Variants in MACROD2 observed in about 807,000 individuals in gnomAD.
The protein encoded by MACROD2 is mono-ADP ribosylhydrolase 2.
In MACROD2, 36 loss-of-function variants were observed where a neutral mutation model predicts 70.4. The ratio of observed to expected loss-of-function variants is 0.51; its 90% CI spans 0.39 to 0.68. The LOEUF (loss-of-function observed/expected upper bound fraction) is 0.68. MACROD2 is among the 30% of genes least tolerant of loss of function. The pLI is 0.00. For synonymous variants in MACROD2, 172 were observed against 178.8 expected (o/e 0.96, Z 0.30); for missense variants, 496 against 538.4 (o/e 0.92, Z 0.78).
intron 4 of MACROD2, among the ~76,000 whole-genome samples, chr20:14,626,532 A>G (rs1419448698): frequency 6.6e-6 from 1 of 152,092 alleles, no homozygotes; most frequent in Non-Finnish European, 1.5e-5. Context: ...ACTTTTAGAT[A>G]TTTGGGCTAT....
intron 8 of MACROD2, among the ~76,000 whole-genome samples, chr20:15,813,206 C>G (rs1457963999): frequency 1.3e-5 from 2 of 152,204 alleles, no homozygotes; most frequent in East Asian, 3.9e-4. Flanking sequence ...CTCAGCAACT[C>G]AAAACCATTG....
At chr20:14,622,152 A>G (rs536002839) in intron 4 of MACROD2, among the ~76,000 whole-genome samples, 4 of 152,108 alleles carry the variant, frequency 2.6e-5, no homozygotes, top group African/African-American at 9.7e-5. Flanking sequence ...GCCTCTACAT[A>G]TATTTCCATT....
intron 6 of MACROD2, among the ~76,000 whole-genome samples, chr20:15,345,468 G>C (rs1243368339): frequency 1.3e-5 from 2 of 152,118 alleles, no homozygotes; most frequent in Non-Finnish European, 2.9e-5. Context: ...GCACACTCCT[G>C]TTAGTTTCAT....
chr20:15,745,594 A>G (rs1319707073), intron 8 of MACROD2, among the ~76,000 whole-genome samples: 1 of 152,142 alleles, frequency 6.6e-6, no homozygotes, highest in East Asian at 1.9e-4. Context: ...TTTTTGAAGA[A>G]AAGCTCTTCG....
chr20:15,501,683 A>G (rs79089845), intron 8 of MACROD2, among the ~76,000 whole-genome samples: 1,700 of 152,296 alleles, frequency 0.011, 27 homozygotes, highest in African/African-American at 0.038. Flanking sequence ...GCAACTGTAA[A>G]CATATCCTGT....
chr20:15,101,534 C>CA (rs6147300), intron 5 of MACROD2, among the ~76,000 whole-genome samples: 1 of 88,914 alleles, frequency 1.1e-5, no homozygotes, highest in Non-Finnish European at 2.1e-5. Context: ...GGTGTTGGTT[C>CA]AAAAAAAAAA....
At chr20:14,668,342 A>G (rs1407212367) in intron 4 of MACROD2, among the ~76,000 whole-genome samples, 1 of 152,134 alleles carries the variant, frequency 6.6e-6, no homozygotes, top group Non-Finnish European at 1.5e-5. Context: ...CTGGGCCTGC[A>G]TTTGGAATAA....
intron 5 of MACROD2, among the ~76,000 whole-genome samples, chr20:15,151,542 G>A (rs1347406952): frequency 6.6e-6 from 1 of 151,998 alleles, no homozygotes; most frequent in Non-Finnish European, 1.5e-5. Flanking sequence ...TTTAATGTCG[G>A]GAGCAGATTG....
intron 5 of MACROD2, among the ~76,000 whole-genome samples, chr20:15,053,805 A>G (rs1424537635): frequency 1.3e-5 from 2 of 152,206 alleles, no homozygotes; most frequent in Non-Finnish European, 1.5e-5. Flanking sequence ...ATCTGGGCAA[A>G]GAACATTGAA....
At chr20:15,584,293 T>G (rs1275415850) in intron 8 of MACROD2, among the ~76,000 whole-genome samples, 1 of 152,220 alleles carries the variant, frequency 6.6e-6, no homozygotes, top group African/African-American at 2.4e-5. Context: ...GAAGAACCTC[T>G]GGTTTATTGT....
At chr20:14,954,272 A>G (rs1479077820) in intron 5 of MACROD2, among the ~76,000 whole-genome samples, 1 of 151,742 alleles carries the variant, frequency 6.6e-6, no homozygotes, top group African/African-American at 2.4e-5. Flanking sequence ...AAATCTGGCC[A>G]TCTTTGGTTA....
intron 8 of MACROD2, among the ~76,000 whole-genome samples, chr20:15,607,300 G>A (rs1378640032): frequency 1.3e-5 from 2 of 152,158 alleles, no homozygotes; most frequent in South Asian, 2.1e-4. Context: ...GTATAATTTG[G>A]CGTATTCATG....
At chr20:16,046,675 CT>C (rs557907668) in intron 17 of MACROD2, among the ~76,000 whole-genome samples, 8,260 of 85,244 alleles carry the variant, frequency 0.097, 70 homozygotes, top group Middle Eastern at 0.17. Flanking sequence ...GGTGTCAAAA[CT>C]TTTTTTTTTT....
At chr20:14,362,319 C>A (rs1330706683) in intron 3 of MACROD2, among the ~76,000 whole-genome samples, 1 of 152,168 alleles carries the variant, frequency 6.6e-6, no homozygotes, top group Non-Finnish European at 1.5e-5. Context: ...AGTCAAGAAG[C>A]TGGTCCAAGG....
At chr20:14,719,684 C>T (rs1005314686) in intron 5 of MACROD2, among the ~76,000 whole-genome samples, 1 of 152,104 alleles carries the variant, frequency 6.6e-6, no homozygotes, top group Admixed American at 6.6e-5. Flanking sequence ...CATAATACTT[C>T]CCAAATTCCC....
At chr20:14,273,806 A>AC (rs1466905578) in intron 3 of MACROD2, among the ~76,000 whole-genome samples, 1 of 152,092 alleles carries the variant, frequency 6.6e-6, no homozygotes, top group Non-Finnish European at 1.5e-5. Flanking sequence ...AAAATGATAA[A>AC]GGGGATATCA....
chr20:14,991,422 C>G (rs1726821978), intron 5 of MACROD2, among the ~76,000 whole-genome samples: 1 of 152,094 alleles, frequency 6.6e-6, no homozygotes, highest in Non-Finnish European at 1.5e-5. Context: ...AGCCCTCAGC[C>G]TCTGCACTGA....
chr20:15,143,338 G>A (rs533356314), intron 5 of MACROD2, among the ~76,000 whole-genome samples: 6 of 152,116 alleles, frequency 3.9e-5, no homozygotes, highest in Admixed American at 1.3e-4. Flanking sequence ...CATATCCTTT[G>A]CCCAAGTTTT....
chr20:15,754,414 G>A (rs1183411798), intron 8 of MACROD2, among the ~76,000 whole-genome samples: 1 of 152,134 alleles, frequency 6.6e-6, no homozygotes, highest in Non-Finnish European at 1.5e-5. Flanking sequence ...CCTGAGGTCA[G>A]GAGTTCAAGA....
Sources: gnomAD v4.1 joint callset for allele counts (sites outside exome capture counted in the v4.1 genomes callset) on GRCh38, gnomAD v4.1.1 for gene constraint, MANE v1.5 for transcripts, NCBI Gene and HGNC (gene_info 2026-07-23, HGNC 2026-07-21) for gene names.